The following FOXJ3 variants were observed in gnomAD, a reference collection of about 807,000 sequenced individuals.
FOXJ3 encodes forkhead box J3.
FOXJ3 carries 22 observed loss-of-function variants against 76.1 expected under a neutral mutation model. That is an observed-to-expected ratio of 0.29 (90% confidence interval 0.21 to 0.41). FOXJ3 has a LOEUF of 0.41. Ranked by LOEUF, FOXJ3 falls within the 10% of genes least tolerant of loss-of-function variation. The pLI is 1.00. For synonymous variants in FOXJ3, 269 were observed against 261.2 expected, an observed-to-expected ratio of 1.03 and a Z score of -0.29; for missense variants, 613 against 762.1, an observed-to-expected ratio of 0.80 and a Z score of 2.30.
At position 42,227,872 on chromosome 1, in the gene FOXJ3, A is replaced by G. The variant is rs377068910; in HGVS notation, c.528+11T>C. On this transcript the variant is annotated intron_variant, in intron 5 of 12. Coordinates refer to ENST00000361346, the MANE Select transcript of FOXJ3 (RefSeq NM_014947.5). ...ATGCATTACACTAAATTTATGATAA[A>G]GAGCCTTTACCCGTTCTACAGATCG... 48 of 1,497,846 alleles carry G rather than the reference A, an allele frequency of 3.2e-5. No homozygotes were observed. Among genetic ancestry groups the G allele is most frequent in the South Asian group, 1.8e-4 (14 of 77,594 alleles). 92.8% of individuals were successfully genotyped at this position (1,497,846 alleles called of 1,614,324 possible). A position where few individuals can be genotyped will look rare whatever the true frequency, so the allele number is the denominator to read the frequency against.
At chr1:42,188,101 A>G (rs961943053) in intron 11 of FOXJ3, among the ~76,000 whole-genome samples, 6 of 152,240 alleles carry the variant, frequency 3.9e-5, no homozygotes, top group Non-Finnish European at 8.8e-5. Context: ...AACATACAGA[A>G]AAGAAGTAAA....
In FOXJ3 at chr1:42,255,254, G is replaced by A. The variant is rs539784538; in HGVS notation, c.444+9861C>T. ...AAATGGATGGCAAGAGGTAGAGTAG[G>A]CGGTATAAAGTGTAAGGTATGAAGT... On this transcript the variant is annotated intron_variant, in intron 4 of 12. Coordinates refer to ENST00000361346, the MANE Select transcript of FOXJ3 (RefSeq NM_014947.5). 2.6e-5 allele frequency among the ~76,000 whole-genome samples: 4 copies of A among 152,238 alleles called. No homozygotes were observed. The East Asian group carries it at 7.7e-4, about 29-fold the overall frequency.
intron 2 of FOXJ3, chr1:42,280,370 C>G (rs1016363227): frequency 1.0e-6 from 1 of 972,964 alleles, no homozygotes; most frequent in Admixed American, 6.8e-5. Flanking sequence ...AAATTCCCTC[C>G]ATCTCTATTG....
chr1:42,283,752 G>A (rs937340445), intron 2 of FOXJ3, among the ~76,000 whole-genome samples: 6 of 152,142 alleles, frequency 3.9e-5, no homozygotes, highest in African/African-American at 1.4e-4. Flanking sequence ...ATCTCTTTGG[G>A]TCAATATGTG....
chr1:42,249,296 G>C (rs1649823845), intron 4 of FOXJ3, among the ~76,000 whole-genome samples: 1 of 152,102 alleles, frequency 6.6e-6, no homozygotes, highest in Non-Finnish European at 1.5e-5. Context: ...TTGGGTATAA[G>C]GCTCCTGATT....
chr1:42,260,711 CA>C (rs1419306705), intron 4 of FOXJ3, among the ~76,000 whole-genome samples: 1 of 152,110 alleles, frequency 6.6e-6, no homozygotes, highest in East Asian at 1.9e-4. Flanking sequence ...CTGTAAGTTT[CA>C]AAAGTTAGTC....
At chr1:42,184,656 A>G (rs1646398175) in intron 11 of FOXJ3, among the ~76,000 whole-genome samples, 1 of 152,124 alleles carries the variant, frequency 6.6e-6, no homozygotes, top group East Asian at 1.9e-4. Context: ...GGTAGGGGCA[A>G]ACAAAGTAAA....
chr1:42,278,538 A>G lies in FOXJ3; in HGVS notation c.179T>C (p.Leu60Pro). The change falls in exon 3 of 13, where the codon CTT becomes CCT. Residue 60 changes from leucine to proline, a missense_variant. By Grantham distance (98) the Leu-to-Pro change is moderately conservative. Coordinates refer to ENST00000361346, the MANE Select transcript of FOXJ3 (RefSeq NM_014947.5). ...GTGISKKNAL[L>P]DPNTTLDQEE... ...CTGGTCCAGAGTTGTATTTGGGTCA[A>G]GGAGTGCATTCTTCTTAGAAATTCC... 6.2e-7 allele frequency: 1 copy of G among 1,614,164 alleles called. No individual in the cohort carries two copies. The highest frequency in any genetic ancestry group is 8.5e-7 in the Non-Finnish European group (1 of 1,180,026).
At chr1:42,201,794 A>G (rs12096162) in intron 6 of FOXJ3, among the ~76,000 whole-genome samples, 3,566 of 152,256 alleles carry the variant, frequency 0.023, 143 homozygotes, top group African/African-American at 0.082. Flanking sequence ...TATACAATCA[A>G]TATTATTTTT....
rs558270460 is a variant in FOXJ3 at position 42,280,684 on chromosome 1, C to T, written c.45-2012G>A. On this transcript the variant is annotated intron_variant, in intron 2 of 12. Coordinates refer to ENST00000361346, the MANE Select transcript of FOXJ3 (RefSeq NM_014947.5). ...CAGGTAGTTAGCAGTAGTACAAAAA[C>T]CAGAGCCCAGATCTCCTGATACCCA... Among the ~76,000 whole-genome samples the T allele has an allele frequency of 3.3e-5, 5 of 152,198 alleles. No individual in the cohort carries two copies. In the South Asian group the frequency reaches 1.0e-3, roughly 32 times the overall value.
chr1:42,186,239 G>A (rs944807522), intron 11 of FOXJ3, among the ~76,000 whole-genome samples: 3 of 151,944 alleles, frequency 2.0e-5, no homozygotes, highest in South Asian at 2.1e-4. Context: ...GGCTGGACAC[G>A]TAAAAAAAAT....
chr1:42,285,518 GAA>G (rs1229864272), intron 2 of FOXJ3, among the ~76,000 whole-genome samples: 8 of 152,200 alleles, frequency 5.3e-5, no homozygotes, highest in Middle Eastern at 6.8e-3. Flanking sequence ...GGTGAGAGGT[GAA>G]AGAGTCTAAA....
At chr1:42,244,910 G>A (rs1039680993) in intron 4 of FOXJ3, among the ~76,000 whole-genome samples, 5 of 152,090 alleles carry the variant, frequency 3.3e-5, no homozygotes, top group African/African-American at 7.2e-5. Context: ...GGCCAGGCGC[G>A]GTGGCTCACA....
At chr1:42,301,900 T>C (rs913389229) in intron 2 of FOXJ3, among the ~76,000 whole-genome samples, 1 of 152,188 alleles carries the variant, frequency 6.6e-6, no homozygotes, top group Non-Finnish European at 1.5e-5. Flanking sequence ...TTCAGAGTTG[T>C]TCCTCTGGTT....
chr1:42,213,455 G>A (rs1165789744), intron 5 of FOXJ3, among the ~76,000 whole-genome samples: 1 of 148,256 alleles, frequency 6.7e-6, no homozygotes, highest in East Asian at 2.0e-4. Context: ...AAAAAAGACT[G>A]TAAAACAACA....
intron 6 of FOXJ3, among the ~76,000 whole-genome samples, chr1:42,202,061 GA>G (rs1481634701): frequency 6.6e-6 from 1 of 151,742 alleles, no homozygotes; most frequent in Non-Finnish European, 1.5e-5. Context: ...TTTCATTCCA[GA>G]TATCAGCAAA....
chr1:42,279,431 A>T (rs950512798), intron 2 of FOXJ3, among the ~76,000 whole-genome samples: 1 of 152,238 alleles, frequency 6.6e-6, no homozygotes, highest in African/African-American at 2.4e-5. Context: ...CTAAGGCATT[A>T]AATCACATAA....
At chr1:42,264,900 T>C (rs2124629399) in intron 4 of FOXJ3, 1 of 473,440 alleles carries the variant, frequency 2.1e-6, no homozygotes. Flanking sequence ...AAGATTAGAT[T>C]AGAAACAGCA....
At chr1:42,280,109 T>C (rs578108887) in intron 2 of FOXJ3, among the ~76,000 whole-genome samples, 9 of 152,260 alleles carry the variant, frequency 5.9e-5, no homozygotes, top group East Asian at 3.9e-4. Context: ...ATAGTACTTA[T>C]GGTCAAAATA....
Sources: allele counts gnomAD v4.1 joint callset (sites outside exome capture counted in the v4.1 genomes callset), GRCh38; gene constraint gnomAD v4.1.1; transcripts MANE v1.5; gene names NCBI Gene and HGNC (gene_info 2026-07-23, HGNC 2026-07-21).